Variants in ZNF721 observed in about 807,000 individuals in gnomAD.
ZNF721 encodes zinc finger protein 721.
In ZNF721, 2 loss-of-function variants were observed where a neutral mutation model predicts 2.4. That is an observed-to-expected ratio of 0.82 (90% CI 0.34 to 2.58). The LOEUF (loss-of-function observed/expected upper bound fraction) is 2.58. Ranked by LOEUF, ZNF721 falls within the 30% of genes most tolerant of loss-of-function variation. The pLI is 0.11. For missense variants in ZNF721, 1,187 were observed against 1,085.5 expected (o/e 1.09, Z -1.31); for synonymous variants, 398 against 381.8 (o/e 1.04, Z -0.50).
intron 2 of ZNF721, among the ~76,000 whole-genome samples, chr4:456,062 ATTTAT>A: frequency 6.6e-6 from 1 of 150,630 alleles, no homozygotes; most frequent in South Asian, 2.1e-4. Context: ...TTATTTATTT[ATTTAT>A]TTATTTATTT....
intron 1 of ZNF721, among the ~76,000 whole-genome samples, chr4:489,836 CAAT>C (rs1240447315): frequency 5.9e-5 from 9 of 152,066 alleles, no homozygotes; most frequent in East Asian, 3.9e-4. Flanking sequence ...CGTATTAAAA[CAAT>C]AATATTTTGG....
chr4:479,280 T>A (rs1331318658), intron 1 of ZNF721, among the ~76,000 whole-genome samples: 2 of 152,154 alleles, frequency 1.3e-5, no homozygotes, highest in Non-Finnish European at 2.9e-5. Context: ...CCATTGGATC[T>A]TCTGACTTCC....
rs118133085 is a variant in ZNF721, at chr4:475,871, C to T, written c.-93-3170G>A. 2.1e-3 allele frequency among the ~76,000 whole-genome samples: 316 copies of T among 152,192 alleles called. 6 individuals carry two copies. The East Asian group carries it at 0.053, about 26-fold the overall frequency. ...AAGCCCACCCCCACCGTTTTAAGCC[C>T]CTTGTTCTCCCGTTACCCTTATTGA... On this transcript the variant is annotated intron_variant, in intron 1 of 2. Transcript: ENST00000511833.
At chr4:464,200 G>A (rs992808029) in intron 2 of ZNF721, among the ~76,000 whole-genome samples, 1 of 152,332 alleles carries the variant, frequency 6.6e-6, no homozygotes, top group South Asian at 2.1e-4. Context: ...GCTGGGTGCG[G>A]TTGCGCACAC....
At chr4:487,074 T>C (rs544790321) in intron 1 of ZNF721, among the ~76,000 whole-genome samples, 244 of 152,314 alleles carry the variant, frequency 1.6e-3, no homozygotes, top group African/African-American at 5.7e-3. Flanking sequence ...GGGATAGTTA[T>C]ACAAGACACA....
intron 2 of ZNF721, among the ~76,000 whole-genome samples, chr4:447,198 C>T (rs977956880): frequency 4.6e-5 from 7 of 151,842 alleles, no homozygotes; most frequent in African/African-American, 2.4e-5. Flanking sequence ...TGGCAGGCAC[C>T]GTACTCCCAG....
intron 2 of ZNF721, among the ~76,000 whole-genome samples, chr4:456,517 G>T (rs11248021): frequency 0.41 from 61,668 of 152,062 alleles, 12,947 homozygotes; most frequent in African/African-American, 0.52. Flanking sequence ...TTATTTGAAT[G>T]AATTTTATTT....
chr4:458,112 G>A (rs982545998), intron 2 of ZNF721, among the ~76,000 whole-genome samples: 14 of 152,332 alleles, frequency 9.2e-5, no homozygotes, highest in African/African-American at 3.1e-4. Flanking sequence ...TCGCAAGAGC[G>A]ACACAGCGGG....
At chr4:445,702 A>G (rs1423207755) in intron 2 of ZNF721, among the ~76,000 whole-genome samples, 1 of 152,180 alleles carries the variant, frequency 6.6e-6, no homozygotes, top group East Asian at 1.9e-4. Flanking sequence ...AATATAAAAT[A>G]ATGACTCAGA....
intron 1 of ZNF721, 69 bp from the exon 2 acceptor site, chr4:472,770 C>T: frequency 1.9e-6 from 3 of 1,582,242 alleles, no homozygotes; most frequent in Non-Finnish European, 2.6e-6. Context: ...TTAAGAGAAC[C>T]AGTTCTGACA....
rs377762328 is a variant in ZNF721, at chr4:444,407, G to C, written c.60C>G (p.Asp20Glu). ...CTTCTATCCCCTGCACTGGCAAAAAGTCTTGGGTGAAATGAGAACACATAG... is the reference window on the plus strand; with the variant it reads ...CTTCTATCCCCTGCACTGGCAAAAACTCTTGGGTGAAATGAGAACACATAG... ...SLAMCSHFTQDFLPVQGIEDS... is the reference protein window; with the variant it reads ...SLAMCSHFTQEFLPVQGIEDS... The change falls in exon 3 of 3, where the codon GAC (aspartate) becomes GAG (glutamate). Residue 20 changes from aspartate (D) to glutamate (E), a missense_variant. Transcript: ENST00000511833. 2 of 1,588,390 alleles carry C rather than the reference G, an allele frequency of 1.3e-6. No homozygotes were observed. Among genetic ancestry groups the C allele is most frequent in the Admixed American group, 3.7e-5 (2 of 54,060 alleles).
chr4:474,233 A>T, intron 1 of ZNF721: 2 of 379,620 alleles, frequency 5.3e-6, no homozygotes, highest in Non-Finnish European at 1.0e-5. Flanking sequence ...CTCTGATTGG[A>T]TATGGGTCCA....
At chr4:486,002 A>C (rs1199005196) in intron 1 of ZNF721, among the ~76,000 whole-genome samples, 2 of 149,302 alleles carry the variant, frequency 1.3e-5, no homozygotes, top group Admixed American at 6.6e-5. Context: ...AAATAAATAG[A>C]TAGATTCTGG....
At chr4:466,843 C>T (rs797034672) in intron 2 of ZNF721, among the ~76,000 whole-genome samples, 20 of 152,278 alleles carry the variant, frequency 1.3e-4, no homozygotes, top group African/African-American at 3.9e-4. Context: ...ATTTGAATGG[C>T]GCCACAGATC....
At position 444,324 on chromosome 4, in the gene ZNF721, T is replaced by A. The variant is rs1714398432; in HGVS notation, c.143A>T (p.Gln48Leu). The part of the protein sequence containing the change: ...RYEKCGHDNL[Q>L]LRKGCKSMNV... Reference sequence around the variant, plus strand: ...CATACTTTTACAGCCTTTCCTTAATTGTAAATTATCATGCCCACATTTCTC... The same window carrying A: ...CATACTTTTACAGCCTTTCCTTAATAGTAAATTATCATGCCCACATTTCTC... Residue 48 changes from glutamine to leucine, a missense_variant, in exon 3 of 3, where the codon CAA (glutamine) becomes CTA (leucine). Gln to Leu is a moderately radical substitution (Grantham distance 113). Coordinates refer to ENST00000511833, the MANE Select transcript of ZNF721 (RefSeq NM_133474.4). 3.7e-6 allele frequency: 6 copies of A among 1,614,172 alleles called. No homozygotes were observed. Among genetic ancestry groups the A allele is most frequent in the Non-Finnish European group, 5.1e-6 (6 of 1,180,012 alleles).
intron 2 of ZNF721, among the ~76,000 whole-genome samples, chr4:455,168 A>C (rs1714807339): frequency 6.6e-6 from 1 of 152,248 alleles, no homozygotes; most frequent in Non-Finnish European, 1.5e-5. Flanking sequence ...TTGCTTATAT[A>C]CCTACATTGC....
chr4:446,448 T>G (rs1714477223), intron 2 of ZNF721, among the ~76,000 whole-genome samples: 1 of 151,668 alleles, frequency 6.6e-6, no homozygotes, highest in Non-Finnish European at 1.5e-5. Flanking sequence ...TGGCACTATC[T>G]TGGCTCACTG....
intron 1 of ZNF721, among the ~76,000 whole-genome samples, chr4:497,892 C>A (rs559269516): frequency 1.4e-4 from 20 of 147,884 alleles, no homozygotes; most frequent in African/African-American, 4.9e-4. Context: ...AGCGAGACTC[C>A]GTCTCAAAAA....
intron 2 of ZNF721, among the ~76,000 whole-genome samples, chr4:466,757 G>A (rs1715265796): frequency 6.6e-6 from 1 of 152,188 alleles, no homozygotes; most frequent in Non-Finnish European, 1.5e-5. Context: ...AATGATTCAT[G>A]AGAATCCAAC....
Sources: gnomAD v4.1 joint callset for allele counts (sites outside exome capture counted in the v4.1 genomes callset) on GRCh38, gnomAD v4.1.1 for gene constraint, MANE v1.5 for transcripts, NCBI Gene and HGNC (gene_info 2026-07-23, HGNC 2026-07-21) for gene names.